Variants in PHF24 observed in about 807,000 individuals in gnomAD.
PHF24 encodes Galpha inhibitory interacting protein.
A neutral mutation model predicts 42.6 loss-of-function variants in PHF24; 25 were observed. The ratio of observed to expected loss-of-function variants is 0.59; its 90% CI spans 0.43 to 0.82. The LOEUF (loss-of-function observed/expected upper bound fraction) is 0.82. Among genes scored for constraint, PHF24 ranks in the 40% least tolerant of loss-of-function variants. PHF24 has a pLI of 0.00. For missense variants in PHF24, 470 were observed against 538.1 expected (o/e 0.87, Z 1.25); for synonymous variants, 185 against 204.8 (o/e 0.90, Z 0.83).
chr9:34,969,196 G>A (rs1410278639), intron 1 of PHF24, among the ~76,000 whole-genome samples: 2 of 152,206 alleles, frequency 1.3e-5, no homozygotes, highest in Non-Finnish European at 1.5e-5. Context: ...AAAGCTGAAG[G>A]AAGCACTGAA....
At chr9:34,962,204 C>T (rs1826611459) in intron 1 of PHF24, among the ~76,000 whole-genome samples, 1 of 152,210 alleles carries the variant, frequency 6.6e-6, no homozygotes, top group Admixed American at 6.5e-5. Flanking sequence ...TATCTCAAAC[C>T]AGTTCTTTGG....
chr9:34,733,983 G>A, the PHF24 span, among the ~76,000 whole-genome samples: 1 of 152,134 alleles, frequency 6.6e-6, no homozygotes, highest in African/African-American at 2.4e-5. Context: ...ACAAAATAGG[G>A]TTTCTCGGGC....
At chr9:34,731,759 A>G in the PHF24 span, among the ~76,000 whole-genome samples, 1 of 152,194 alleles carries the variant, frequency 6.6e-6, no homozygotes, top group South Asian at 2.1e-4. Context: ...AGGAGTGCAG[A>G]TATCTCTTCA....
chr9:34,817,384 A>G, the PHF24 span, among the ~76,000 whole-genome samples: 1 of 152,096 alleles, frequency 6.6e-6, no homozygotes, highest in Non-Finnish European at 1.5e-5. Context: ...AGCTGGGACT[A>G]CAGGTGCACA....
chr9:34,761,314 G>GTT, the PHF24 span, among the ~76,000 whole-genome samples: 9 of 151,586 alleles, frequency 5.9e-5, no homozygotes, highest in East Asian at 1.9e-4. Flanking sequence ...CACATTGTCA[G>GTT]TTTTTTTTAA....
At chr9:34,817,569 T>A in the PHF24 span, among the ~76,000 whole-genome samples, 3 of 152,288 alleles carry the variant, frequency 2.0e-5, no homozygotes, top group Admixed American at 1.3e-4. Flanking sequence ...TTAAATTACT[T>A]AATGAGTTTT....
At chr9:34,836,550 A>G in the PHF24 span, among the ~76,000 whole-genome samples, 1 of 152,224 alleles carries the variant, frequency 6.6e-6, no homozygotes, top group African/African-American at 2.4e-5. Context: ...GATGTACCCA[A>G]CATCTCCTGG....
At chr9:34,757,270 T>G in the PHF24 span, among the ~76,000 whole-genome samples, 3 of 150,586 alleles carry the variant, frequency 2.0e-5, no homozygotes, top group East Asian at 1.9e-4. Flanking sequence ...ATTTCTAGTT[T>G]TTTTTTTTTT....
the PHF24 span, among the ~76,000 whole-genome samples, chr9:34,877,256 G>A: frequency 4.2e-5 from 6 of 144,062 alleles, no homozygotes; most frequent in African/African-American, 1.6e-4. Context: ...ACTCCAGCCT[G>A]AGCAACAGAG....
chr9:34,873,361 C>A, the PHF24 span, among the ~76,000 whole-genome samples: 1 of 151,992 alleles, frequency 6.6e-6, no homozygotes, highest in African/African-American at 2.4e-5. Flanking sequence ...GTCTTTAATC[C>A]ATCTTGAATT....
chr9:34,930,248 G>A, the PHF24 span, among the ~76,000 whole-genome samples: 1 of 152,212 alleles, frequency 6.6e-6, no homozygotes. Flanking sequence ...CGGGTCTCTT[G>A]TGTCGGGGAT....
At chr9:34,797,183 G>A in the PHF24 span, among the ~76,000 whole-genome samples, 2 of 152,122 alleles carry the variant, frequency 1.3e-5, no homozygotes, top group Non-Finnish European at 2.9e-5. Flanking sequence ...GCATACAAAT[G>A]GGCAGGCTGT....
chr9:34,737,303 T>C, the PHF24 span, among the ~76,000 whole-genome samples: 1 of 152,234 alleles, frequency 6.6e-6, no homozygotes, highest in Non-Finnish European at 1.5e-5. Flanking sequence ...ATATGTGACC[T>C]TTTGCACCTG....
chr9:34,765,862 T>C, the PHF24 span, among the ~76,000 whole-genome samples: 1 of 152,084 alleles, frequency 6.6e-6, no homozygotes, highest in East Asian at 1.9e-4. Flanking sequence ...CCATGTTTAG[T>C]GCTTCCTTCA....
At chr9:34,917,407 G>A in the PHF24 span, 1 of 769,146 alleles carries the variant, frequency 1.3e-6, no homozygotes, top group Non-Finnish European at 2.4e-6. Flanking sequence ...ACAGTGACAT[G>A]TATCTCGTTC....
chr9:34,677,597 C>T, the PHF24 span, among the ~76,000 whole-genome samples: 8 of 151,934 alleles, frequency 5.3e-5, no homozygotes, highest in Admixed American at 1.3e-4. Context: ...GGGGTTTCAC[C>T]GTGTTAGAAA....
the PHF24 span, chr9:34,726,738 C>G: frequency 3.9e-6 from 6 of 1,551,698 alleles, no homozygotes; most frequent in Non-Finnish European, 5.2e-6. Flanking sequence ...GTTGGGGTTA[C>G]AGATGACAGT....
At chr9:34,978,376 CA>C in exon 8 of PHF24, 2 of 500,532 alleles carry the variant, frequency 4.0e-6, no homozygotes, top group Non-Finnish European at 7.3e-6. Flanking sequence ...CGGGACCTGC[CA>C]CCACACTTAT....
chr9:34,952,276 A>G, the PHF24 span, among the ~76,000 whole-genome samples: 12 of 152,220 alleles, frequency 7.9e-5, no homozygotes, highest in Admixed American at 6.5e-4. Flanking sequence ...TATACTAGCT[A>G]TTTGGACAAT....
Sources: allele counts gnomAD v4.1 joint callset (sites outside exome capture counted in the v4.1 genomes callset), GRCh38; gene constraint gnomAD v4.1.1; transcripts MANE v1.5; gene names NCBI Gene and HGNC (gene_info 2026-07-23, HGNC 2026-07-21).